ITGA8: variants seen among roughly 807,000 people sequenced by gnomAD.
ITGA8 encodes integrin subunit alpha 8.
In ITGA8, 91 loss-of-function variants were observed where a neutral mutation model predicts 142.3. That is an observed-to-expected ratio of 0.64 (90% CI 0.54 to 0.76). The LOEUF (loss-of-function observed/expected upper bound fraction) is 0.76, where lower values mean the gene tolerates loss of function less well. Among genes scored for constraint, ITGA8 ranks in the 30% least tolerant of loss-of-function variants. The pLI, the probability that ITGA8 is intolerant of heterozygous loss-of-function variation, is 0.00. For missense variants in ITGA8, 1,406 were observed against 1,327.7 expected (o/e 1.06, Z -0.92); for synonymous variants, 505 against 485.2 (o/e 1.04, Z -0.54).
chr10:15,711,687 A>T (rs1835367060), intron 2 of ITGA8, among the ~76,000 whole-genome samples: 1 of 151,966 alleles, frequency 6.6e-6, no homozygotes, highest in Non-Finnish European at 1.5e-5. Flanking sequence ...ACACCTTTGG[A>T]GTCAACTCAT....
At chr10:15,690,379 G>A (rs1056297442) in intron 2 of ITGA8, among the ~76,000 whole-genome samples, 3 of 152,168 alleles carry the variant, frequency 2.0e-5, no homozygotes, top group African/African-American at 7.2e-5. Flanking sequence ...AGCCATGCCA[G>A]CGCTGCACCC....
At chr10:15,646,273 TTATAAG>T (rs997124368) in intron 12 of ITGA8, among the ~76,000 whole-genome samples, 16 of 152,180 alleles carry the variant, frequency 1.1e-4, no homozygotes, top group African/African-American at 3.9e-4. Context: ...TAAACAGCAC[TTATAAG>T]TAGAGAAGTT....
chr10:15,693,986 G>A (rs1377272481), intron 2 of ITGA8, among the ~76,000 whole-genome samples: 5 of 151,242 alleles, frequency 3.3e-5, no homozygotes, highest in Non-Finnish European at 5.9e-5. Flanking sequence ...CCCCCCTTAA[G>A]CTGGGATGTT....
chr10:15,555,101 T>C (rs1452625005), intron 26 of ITGA8, among the ~76,000 whole-genome samples: 1 of 152,214 alleles, frequency 6.6e-6, no homozygotes, highest in Non-Finnish European at 1.5e-5. Context: ...AAAGCATCCT[T>C]GAACATTGTC....
intron 5 of ITGA8, among the ~76,000 whole-genome samples, chr10:15,678,330 AT>A (rs757324811): frequency 6.6e-6 from 1 of 152,194 alleles, no homozygotes; most frequent in Non-Finnish European, 1.5e-5. Context: ...GGATATATGA[AT>A]TTTAATATTA....
At chr10:15,605,868 G>T in intron 18 of ITGA8, 77 bp from the exon 19 acceptor site, 1 of 1,348,468 alleles carries the variant, frequency 7.4e-7, no homozygotes, top group Non-Finnish European at 1.1e-6. Flanking sequence ...ATTCTGAATG[G>T]TGCCACAAAC....
chr10:15,693,543 A>C (rs1253067050), intron 2 of ITGA8, among the ~76,000 whole-genome samples: 1 of 152,190 alleles, frequency 6.6e-6, no homozygotes, highest in Non-Finnish European at 1.5e-5. Context: ...AGTGCACATG[A>C]CTAACAAAGA....
intron 2 of ITGA8, among the ~76,000 whole-genome samples, chr10:15,691,154 C>T (rs1331779698): frequency 3.9e-5 from 6 of 152,088 alleles, no homozygotes; most frequent in African/African-American, 4.8e-5. Flanking sequence ...TCACTTGACC[C>T]GTGTTAGCAG....
In ITGA8 at chr10:15,692,196, G is replaced by A. The variant is rs562061537; in HGVS notation, c.344-4158C>T. Among the ~76,000 whole-genome samples the A allele has an allele frequency of 5.1e-4, 77 of 152,080 alleles. 1 individual carries two copies. Among genetic ancestry groups the A allele is most frequent in the African/African-American group, 1.8e-3 (75 of 41,488 alleles). On this transcript the variant is annotated intron_variant, in intron 2 of 29. Transcript: ENST00000378076. ...GATCTTCCCACCTTGGCCTCCCAAA[G>A]TGCTGGGATTACAGGTATGAGCCAC...
intron 2 of ITGA8, among the ~76,000 whole-genome samples, chr10:15,694,245 T>C (rs185789587): frequency 7.8e-6 from 1 of 128,728 alleles, no homozygotes; most frequent in African/African-American, 2.9e-5. Flanking sequence ...ATATATCATA[T>C]ATATGATAAC....
At chr10:15,683,693 C>A (rs542425851) in intron 4 of ITGA8, among the ~76,000 whole-genome samples, 2 of 152,236 alleles carry the variant, frequency 1.3e-5, no homozygotes, top group Non-Finnish European at 2.9e-5. Flanking sequence ...AGTCAGCATT[C>A]TTTAGGACAC....
intron 20 of ITGA8, among the ~76,000 whole-genome samples, chr10:15,599,440 G>A (rs1053599449): frequency 3.9e-5 from 6 of 151,988 alleles, no homozygotes; most frequent in African/African-American, 1.5e-4. Context: ...TTTTAACAAC[G>A]TAACAAGTAA....
chr10:15,616,436 G>T, intron 14 of ITGA8, 78 bp downstream of exon 14: 2 of 1,061,450 alleles, frequency 1.9e-6, no homozygotes, highest in Middle Eastern at 2.0e-4. Flanking sequence ...TCGTTGGAAT[G>T]CTCTCTTTAA....
intron 25 of ITGA8, among the ~76,000 whole-genome samples, chr10:15,563,476 A>G (rs549105281): frequency 6.6e-6 from 1 of 152,292 alleles, no homozygotes; most frequent in South Asian, 2.1e-4. Flanking sequence ...ATTGACAATT[A>G]TGTTACAGAG....
intron 25 of ITGA8, among the ~76,000 whole-genome samples, chr10:15,563,865 C>T (rs1355997779): frequency 1.3e-5 from 2 of 150,812 alleles, no homozygotes; most frequent in Non-Finnish European, 2.9e-5. Flanking sequence ...TGCCATGAGC[C>T]AAGATAGTGC....
chr10:15,543,120 A>C (rs1335341593), intron 27 of ITGA8, among the ~76,000 whole-genome samples: 1 of 152,220 alleles, frequency 6.6e-6, no homozygotes, highest in Admixed American at 6.5e-5. Context: ...GCATGAAAGG[A>C]GACTTTAGTC....
chr10:15,530,302 C>T (rs1456371812), intron 28 of ITGA8, among the ~76,000 whole-genome samples: 1 of 152,064 alleles, frequency 6.6e-6, no homozygotes, highest in Non-Finnish European at 1.5e-5. Context: ...AATCCCAGCA[C>T]TTTCGGAGGC....
intron 27 of ITGA8, among the ~76,000 whole-genome samples, chr10:15,532,815 A>G (rs1376953583): frequency 6.6e-6 from 1 of 152,172 alleles, no homozygotes; most frequent in Non-Finnish European, 1.5e-5. Flanking sequence ...ATGTAAACTT[A>G]AGTAAATTAT....
At chr10:15,542,997 C>T (rs192838205) in intron 27 of ITGA8, among the ~76,000 whole-genome samples, 1 of 152,242 alleles carries the variant, frequency 6.6e-6, no homozygotes, top group Admixed American at 6.5e-5. Context: ...AAAACATCAA[C>T]ACAATAAAAA....
Sources: allele counts gnomAD v4.1 joint callset (sites outside exome capture counted in the v4.1 genomes callset), GRCh38; gene constraint gnomAD v4.1.1; transcripts MANE v1.5; gene names NCBI Gene and HGNC (gene_info 2026-07-23, HGNC 2026-07-21).